SAMD12: variants seen among roughly 807,000 people sequenced by gnomAD.
SAMD12 encodes the protein sterile alpha motif domain-containing protein 12.
A neutral mutation model predicts 15.0 loss-of-function variants in SAMD12; 9 were observed. The observed-to-expected ratio is 0.60, with a 90% CI of 0.36 to 1.05. The LOEUF (loss-of-function observed/expected upper bound fraction) is 1.05, where lower values mean the gene tolerates loss of function less well. Among genes scored for constraint, SAMD12 ranks in the 50% least tolerant of loss-of-function variants. The pLI, the probability that SAMD12 is intolerant of heterozygous loss-of-function variation, is 0.01. For synonymous variants in SAMD12, 86 were observed against 90.1 expected, an observed-to-expected ratio of 0.96 and a Z score of 0.25; for missense variants, 230 against 234.2, an observed-to-expected ratio of 0.98 and a Z score of 0.12.
At chr8:118,358,175 C>T (rs941442396) in intron 4 of SAMD12, among the ~76,000 whole-genome samples, 2 of 152,042 alleles carry the variant, frequency 1.3e-5, no homozygotes, top group African/African-American at 4.8e-5. Flanking sequence ...AACAAACTTT[C>T]CTGTTTCAGA....
At chr8:118,305,590 T>A (rs1012866274) in intron 4 of SAMD12, among the ~76,000 whole-genome samples, 4 of 152,226 alleles carry the variant, frequency 2.6e-5, no homozygotes, top group Non-Finnish European at 5.9e-5. Flanking sequence ...GCTGTGAACA[T>A]TGGTGTACCA....
chr8:118,439,639 T>A (rs1822673147), intron 3 of SAMD12, among the ~76,000 whole-genome samples, 193 bp downstream of exon 3: 1 of 152,156 alleles, frequency 6.6e-6, no homozygotes, highest in Admixed American at 6.5e-5. Context: ...AATCCACAGT[T>A]TTCTATAATA....
At chr8:118,498,930 C>CA (rs1016301165) in intron 2 of SAMD12, among the ~76,000 whole-genome samples, 1 of 152,150 alleles carries the variant, frequency 6.6e-6, no homozygotes, top group Non-Finnish European at 1.5e-5. Flanking sequence ...TTTATCTCCC[C>CA]ACCAAGTTCA....
chr8:118,360,743 T>G (rs572548438), intron 4 of SAMD12, among the ~76,000 whole-genome samples: 30 of 152,250 alleles, frequency 2.0e-4, no homozygotes, highest in Non-Finnish European at 3.8e-4. Context: ...ACTCTACTCG[T>G]GCTAGGGAGG....
At chr8:118,586,687 T>C (rs1389546833) in intron 1 of SAMD12, among the ~76,000 whole-genome samples, 7 of 152,186 alleles carry the variant, frequency 4.6e-5, no homozygotes, top group African/African-American at 1.7e-4. Flanking sequence ...ATGTACCATG[T>C]GTTGCAAATA....
intron 1 of SAMD12, among the ~76,000 whole-genome samples, chr8:118,619,095 C>T (rs965723371): frequency 1.3e-5 from 2 of 152,072 alleles, no homozygotes; most frequent in Non-Finnish European, 2.9e-5. Context: ...TATCTGTGGC[C>T]ATGGGCACAA....
chr8:118,389,740 G>A (rs1489719447), intron 3 of SAMD12, among the ~76,000 whole-genome samples: 3 of 151,672 alleles, frequency 2.0e-5, no homozygotes, highest in Non-Finnish European at 4.4e-5. Flanking sequence ...AAAGATAGAC[G>A]GTAGTGGACT....
chr8:118,382,683 C>A (rs1272386821), intron 3 of SAMD12, among the ~76,000 whole-genome samples: 2 of 152,134 alleles, frequency 1.3e-5, no homozygotes, highest in African/African-American at 4.8e-5. Flanking sequence ...ATAATTATTT[C>A]TACTCTGTTG....
the SAMD12 span, among the ~76,000 whole-genome samples, chr8:118,165,633 T>C: frequency 2.2e-4 from 27 of 121,508 alleles, no homozygotes; most frequent in African/African-American, 6.2e-4. Context: ...TATATATATA[T>C]ATACATATAT....
At chr8:118,209,974 C>T (rs1341456880) in intron 4 of SAMD12, among the ~76,000 whole-genome samples, 2 of 152,198 alleles carry the variant, frequency 1.3e-5, no homozygotes, top group African/African-American at 4.8e-5. Flanking sequence ...AATTACCAAA[C>T]CTCTTAGCCA....
At chr8:118,485,907 A>G (rs1480638490) in intron 2 of SAMD12, among the ~76,000 whole-genome samples, 1 of 152,250 alleles carries the variant, frequency 6.6e-6, no homozygotes, top group Non-Finnish European at 1.5e-5. Context: ...ATGTTGTATC[A>G]GTCAGGGTCC....
intron 4 of SAMD12, among the ~76,000 whole-genome samples, chr8:118,290,862 T>C (rs1415848922): frequency 6.6e-6 from 1 of 152,250 alleles, no homozygotes; most frequent in Non-Finnish European, 1.5e-5. Context: ...ATTAGTCTTT[T>C]TCCAGTGTCT....
intron 2 of SAMD12, among the ~76,000 whole-genome samples, chr8:118,477,712 C>T (rs1197032532): frequency 1.3e-5 from 2 of 151,956 alleles, no homozygotes; most frequent in African/African-American, 4.8e-5. Context: ...CTGTGGGGAC[C>T]GAAAATTCTG....
At chr8:118,462,188 G>A (rs1823441734) in intron 2 of SAMD12, among the ~76,000 whole-genome samples, 1 of 152,172 alleles carries the variant, frequency 6.6e-6, no homozygotes, top group African/African-American at 2.4e-5. Flanking sequence ...TCAGTATTAT[G>A]TGCACATCTG....
chr8:118,520,037 G>T (rs1297952669), intron 2 of SAMD12, among the ~76,000 whole-genome samples: 2 of 152,274 alleles, frequency 1.3e-5, no homozygotes, highest in East Asian at 3.9e-4. Context: ...GCTTTTCGTG[G>T]TCCCACACTA....
rs139064724 is a variant in SAMD12, at chr8:118,621,886, C to G, written c.-70G>C. 12,192 of 1,535,340 alleles carry G rather than the reference C, an allele frequency of 7.9e-3. 96 individuals carry two copies. The highest frequency in any genetic ancestry group is 0.039 in the East Asian group (1,749 of 44,494). On this transcript the variant is annotated 5_prime_UTR_variant, in exon 1 of 4. Transcript: ENST00000314727. ...GTACTCCTCCTGCCCCGCGCTCCCC[C>G]CTTCCTCTCGCTTTCGCCTAAATAT... is the stretch of plus-strand genomic sequence containing the variant.
chr8:118,421,932 A>G (rs1822013814), intron 3 of SAMD12, among the ~76,000 whole-genome samples: 1 of 152,178 alleles, frequency 6.6e-6, no homozygotes, highest in Non-Finnish European at 1.5e-5. Flanking sequence ...GCAGATCCAA[A>G]ATAGGAGTTC....
At chr8:118,249,468 T>C (rs927500289) in intron 4 of SAMD12, among the ~76,000 whole-genome samples, 1 of 152,188 alleles carries the variant, frequency 6.6e-6, no homozygotes, top group Admixed American at 6.5e-5. Context: ...GGAAGTTTTT[T>C]CCCAAATATT....
chr8:118,592,476 G>T (rs765308619), intron 1 of SAMD12, among the ~76,000 whole-genome samples: 3 of 151,944 alleles, frequency 2.0e-5, no homozygotes, highest in Non-Finnish European at 2.9e-5. Context: ...GTATGGCCTT[G>T]GTCAAGTTAC....
Sources: allele counts gnomAD v4.1 joint callset (sites outside exome capture counted in the v4.1 genomes callset), GRCh38; gene constraint gnomAD v4.1.1; transcripts MANE v1.5; gene names NCBI Gene and HGNC (gene_info 2026-07-23, HGNC 2026-07-21).